Variants in MYO3B observed in about 807,000 individuals in gnomAD.
MYO3B encodes myosin-IIIb.
Under a neutral mutation model 174.6 loss-of-function variants are expected in MYO3B, and 156 were observed. The ratio of observed to expected loss-of-function variants is 0.89; its 90% confidence interval spans 0.78 to 1.02. The LOEUF (loss-of-function observed/expected upper bound fraction) is 1.02. MYO3B is among the 50% of genes least tolerant of loss of function. The pLI, the probability that MYO3B is intolerant of heterozygous loss-of-function variation, is 0.00. For missense variants in MYO3B, 1,632 were observed against 1,639.4 expected, an observed-to-expected ratio of 1.00 and a Z score of 0.08; for synonymous variants, 563 against 569.1, an observed-to-expected ratio of 0.99 and a Z score of 0.15.
intron 2 of MYO3B, among the ~76,000 whole-genome samples, chr2:170,199,748 G>A (rs1194887285): frequency 6.6e-6 from 1 of 152,086 alleles, no homozygotes; most frequent in East Asian, 1.9e-4. Flanking sequence ...AGAGCACCGG[G>A]GTTATAATGC....
intron 1 of MYO3B, among the ~76,000 whole-genome samples, chr2:170,192,623 CT>C (rs2092554493): frequency 6.7e-6 from 1 of 149,916 alleles, no homozygotes; most frequent in African/African-American, 2.4e-5. Context: ...CTATTTCTAC[CT>C]TTTTGAATAG....
chr2:170,507,130 T>C (rs1004589794), intron 28 of MYO3B, among the ~76,000 whole-genome samples: 4 of 152,248 alleles, frequency 2.6e-5, no homozygotes, highest in Admixed American at 6.5e-5. Flanking sequence ...GCTTCTCTTT[T>C]CCTGGTGTTT....
intron 7 of MYO3B, among the ~76,000 whole-genome samples, chr2:170,314,693 T>C (rs1423865294): frequency 6.6e-6 from 1 of 152,224 alleles, no homozygotes; most frequent in African/African-American, 2.4e-5. Flanking sequence ...CTAAATGTTT[T>C]GTGATGGCTA....
chr2:170,183,451 C>T lies in MYO3B; in HGVS notation c.2+5162C>T, dbSNP rs572009307. Among the ~76,000 whole-genome samples, 16 of 152,208 alleles carry T rather than the reference C, an allele frequency of 1.1e-4. No homozygotes were observed. The South Asian group carries it at 3.3e-3, about 32-fold the overall frequency. On this transcript the variant is annotated intron_variant, in intron 1 of 34. Transcript: ENST00000408978. ...TAGGTTTAGCTTTGGGCATTTTACTCTCTTTAATTCCTATTAAAATGCTAT... is the reference window on the plus strand; with the variant it reads ...TAGGTTTAGCTTTGGGCATTTTACTTTCTTTAATTCCTATTAAAATGCTAT...
intron 22 of MYO3B, among the ~76,000 whole-genome samples, chr2:170,437,961 A>C (rs546567303): frequency 7.2e-6 from 1 of 138,924 alleles, no homozygotes; most frequent in African/African-American, 2.6e-5. Flanking sequence ...ATATAACATG[A>C]AATCTCTCTT....
At chr2:170,560,536 T>C (rs1269274682) in intron 32 of MYO3B, among the ~76,000 whole-genome samples, 1 of 152,152 alleles carries the variant, frequency 6.6e-6, no homozygotes, top group Non-Finnish European at 1.5e-5. Flanking sequence ...GAGGAAGAAA[T>C]TAATGATATC....
intron 21 of MYO3B, among the ~76,000 whole-genome samples, chr2:170,406,532 A>G (rs1322916364): frequency 1.3e-5 from 2 of 151,914 alleles, no homozygotes; most frequent in African/African-American, 4.8e-5. Context: ...TAAATATTTT[A>G]TTTACCTTAG....
intron 33 of MYO3B, 138 bp downstream of exon 33, chr2:170,651,872 A>T (rs1295773660): frequency 3.2e-6 from 2 of 630,828 alleles, no homozygotes; most frequent in African/African-American, 4.6e-5. Flanking sequence ...TAGGCTCTTT[A>T]TCTGTTGCTT....
chr2:170,556,069 G>A (rs933519553), intron 32 of MYO3B, among the ~76,000 whole-genome samples: 33 of 151,972 alleles, frequency 2.2e-4, no homozygotes, highest in African/African-American at 7.2e-4. Context: ...AATAGCACAC[G>A]CCTGTAATCC....
chr2:170,290,942 A>G lies in MYO3B; in HGVS notation c.750-44443A>G, dbSNP rs372536803. Among the ~76,000 whole-genome samples, 63 of 152,280 alleles carry G rather than the reference A, an allele frequency of 4.1e-4. No individual in the cohort carries two copies. The East Asian group carries it at 5.2e-3, about 13-fold the overall frequency. On this transcript the variant is annotated intron_variant, in intron 7 of 34. Coordinates refer to ENST00000408978, the MANE Select transcript of MYO3B (RefSeq NM_138995.5). The stretch of plus-strand genomic sequence containing the variant: ...GAAGAAAAGTTATTTTGGATCACAA[A>G]TAAAATAATAGAAACAAACAAAGGT...
chr2:170,210,887 A>G (rs2092762567), intron 3 of MYO3B, among the ~76,000 whole-genome samples: 1 of 152,170 alleles, frequency 6.6e-6, no homozygotes, highest in Non-Finnish European at 1.5e-5. Flanking sequence ...GACATCACAC[A>G]CACAACACAT....
At chr2:170,267,790 G>T (rs2093395461) in intron 7 of MYO3B, among the ~76,000 whole-genome samples, 1 of 152,220 alleles carries the variant, frequency 6.6e-6, no homozygotes, top group Non-Finnish European at 1.5e-5. Context: ...GATGGAATTT[G>T]AAGAATTGGC....
rs538151496 is a variant in MYO3B at position 170,492,851 on chromosome 2, C to A, written c.3015-5741C>A. Among the ~76,000 whole-genome samples the A allele has an allele frequency of 3.9e-5, 6 of 152,312 alleles. No homozygotes were observed. The East Asian group carries it at 1.2e-3, about 29-fold the overall frequency. ...GTCCTTCGCAATCTTCTGAGTAGAACCAGAGCAAAGACCACAAACCTTGTT... is the reference window on the plus strand; with the variant it reads ...GTCCTTCGCAATCTTCTGAGTAGAAACAGAGCAAAGACCACAAACCTTGTT... On this transcript the variant is annotated intron_variant, in intron 25 of 34. Coordinates refer to ENST00000408978, the MANE Select transcript of MYO3B (RefSeq NM_138995.5).
intron 6 of MYO3B, among the ~76,000 whole-genome samples, chr2:170,234,170 CAAAAAA>C (rs71006078): frequency 4.3e-4 from 21 of 48,594 alleles, no homozygotes; most frequent in African/African-American, 1.4e-3. Flanking sequence ...GACTCCGTCT[CAAAAAA>C]AAAAAAAAAA....
At chr2:170,273,904 G>C (rs192424813) in intron 7 of MYO3B, among the ~76,000 whole-genome samples, 5 of 152,042 alleles carry the variant, frequency 3.3e-5, no homozygotes, top group South Asian at 2.1e-4. Context: ...AAATGGCAGT[G>C]GGGGGGCACC....
At chr2:170,302,309 A>G (rs1161249576) in intron 7 of MYO3B, among the ~76,000 whole-genome samples, 2 of 152,208 alleles carry the variant, frequency 1.3e-5, no homozygotes, top group African/African-American at 4.8e-5. Flanking sequence ...CACAATATCT[A>G]CTTAATGTGA....
At chr2:170,182,809 C>T (rs1211907927) in intron 1 of MYO3B, among the ~76,000 whole-genome samples, 1 of 151,932 alleles carries the variant, frequency 6.6e-6, no homozygotes, top group African/African-American at 2.4e-5. Context: ...CGAGGTTTCA[C>T]CATGTTGGCC....
At chr2:170,468,831 T>G (rs990477335) in intron 25 of MYO3B, among the ~76,000 whole-genome samples, 1 of 152,140 alleles carries the variant, frequency 6.6e-6, no homozygotes, top group African/African-American at 2.4e-5. Context: ...CATAACTGCA[T>G]GTATTGGGAT....
chr2:170,497,432 T>C (rs1173389103), intron 25 of MYO3B, among the ~76,000 whole-genome samples: 1 of 141,068 alleles, frequency 7.1e-6, no homozygotes, highest in Non-Finnish European at 1.6e-5. Context: ...CTGGCTAACA[T>C]GGTGAAACTC....
Sources: gnomAD v4.1 joint callset for allele counts (sites outside exome capture counted in the v4.1 genomes callset) on GRCh38, gnomAD v4.1.1 for gene constraint, MANE v1.5 for transcripts, NCBI Gene and HGNC (gene_info 2026-07-23, HGNC 2026-07-21) for gene names.